SRL: variants seen among roughly 807,000 people sequenced by gnomAD.
SRL encodes the protein sarcalumenin.
A neutral mutation model predicts 39.5 loss-of-function variants in SRL; 23 were observed. That is an observed-to-expected ratio of 0.58 (90% confidence interval 0.42 to 0.82). The LOEUF (loss-of-function observed/expected upper bound fraction) is 0.82, where lower values mean the gene tolerates loss of function less well. Ranked by LOEUF, SRL falls within the 40% of genes least tolerant of loss-of-function variation. The pLI, the probability that SRL is intolerant of heterozygous loss-of-function variation, is 0.00. For synonymous variants in SRL, 272 were observed against 237.4 expected (o/e 1.15, Z -1.34); for missense variants, 592 against 607.8 (o/e 0.97, Z 0.27).
intron 1 of SRL, among the ~76,000 whole-genome samples, chr16:4,210,327 A>G (rs2052376977): frequency 6.6e-6 from 1 of 152,184 alleles, no homozygotes; most frequent in African/African-American, 2.4e-5. Context: ...TCCTCTGAAC[A>G]GCAGGATACG....
chr16:4,233,035 G>C (rs1422292994), intron 1 of SRL, among the ~76,000 whole-genome samples: 1 of 152,252 alleles, frequency 6.6e-6, no homozygotes, highest in African/African-American at 2.4e-5. Context: ...TCAGAGTACA[G>C]TCCCTGCTCT....
intron 1 of SRL, among the ~76,000 whole-genome samples, chr16:4,229,237 A>T (rs2052632272): frequency 6.6e-6 from 1 of 152,046 alleles, no homozygotes; most frequent in Non-Finnish European, 1.5e-5. Flanking sequence ...AGGACAGGAG[A>T]TCGAGACCAT....
chr16:4,190,822 T>C lies in SRL; in HGVS notation c.*1331A>G, dbSNP rs377607443. On this transcript the variant is annotated 3_prime_UTR_variant, in exon 6 of 6. Coordinates refer to ENST00000399609, the MANE Select transcript of SRL (RefSeq NM_001098814.2). ...GGAAATTGCTCCAAGTAAGTGTTGA[T>C]GCATCAGGGAATGGAGAAGAAAGGA... The C allele has an allele frequency of 6.8e-4, 145 of 212,314 alleles. 2 individuals are homozygous for C. Among genetic ancestry groups the C allele is most frequent in the South Asian group, 3.0e-3 (16 of 5,354 alleles). The allele number at this position is 212,314 out of a possible 1,614,324, so 13.2% of individuals were successfully genotyped here.
intron 3 of SRL, among the ~76,000 whole-genome samples, chr16:4,198,665 C>G (rs759758988): frequency 2.6e-5 from 4 of 152,084 alleles, no homozygotes; most frequent in Non-Finnish European, 4.4e-5. Context: ...TCAGGCTGGT[C>G]TCAAACTTCT....
chr16:4,202,103 G>C (rs1312289551), intron 3 of SRL, among the ~76,000 whole-genome samples: 1 of 152,236 alleles, frequency 6.6e-6, no homozygotes, highest in African/African-American at 2.4e-5. Flanking sequence ...GTTTTCCAGA[G>C]CATGGCGTGG....
At chr16:4,210,496 T>C (rs1230855602) in intron 1 of SRL, among the ~76,000 whole-genome samples, 9 of 146,776 alleles carry the variant, frequency 6.1e-5, no homozygotes, top group Admixed American at 4.7e-4. Context: ...CTTTTTTTTT[T>C]TTTTTTTTTT....
chr16:4,214,798 C>T (rs2052436426), intron 1 of SRL, among the ~76,000 whole-genome samples: 1 of 150,642 alleles, frequency 6.6e-6, no homozygotes, highest in Non-Finnish European at 1.5e-5. Flanking sequence ...GACGAAGTCT[C>T]ATTCTGTCGC....
At chr16:4,193,065 C>G in intron 5 of SRL, 101 bp from the exon 6 acceptor site, 1 of 1,026,544 alleles carries the variant, frequency 9.7e-7, no homozygotes, top group South Asian at 1.6e-5. Context: ...AAAGAAGGAA[C>G]AGCGCTACGG....
chr16:4,214,204 G>C (rs1371009484), intron 1 of SRL, among the ~76,000 whole-genome samples: 1 of 152,204 alleles, frequency 6.6e-6, no homozygotes, highest in African/African-American at 2.4e-5. Flanking sequence ...GGTGTTGAAT[G>C]TATTCAGTGC....
At chr16:4,207,160 C>A (rs1014215754) in intron 1 of SRL, 1 of 456,868 alleles carries the variant, frequency 2.2e-6, no homozygotes, top group Non-Finnish European at 4.4e-6. Context: ...GCCCCATCGC[C>A]GCTGTCCTCT....
At chr16:4,210,368 C>T (rs1368015831) in intron 1 of SRL, among the ~76,000 whole-genome samples, 2 of 151,758 alleles carry the variant, frequency 1.3e-5, no homozygotes, top group Admixed American at 6.6e-5. Flanking sequence ...TCTGTATGTA[C>T]ATATCTGAGA....
intron 1 of SRL, among the ~76,000 whole-genome samples, chr16:4,211,296 T>G (rs752786715): frequency 5.9e-5 from 9 of 151,598 alleles, no homozygotes; most frequent in Non-Finnish European, 1.2e-4. Flanking sequence ...AGGATCCCCA[T>G]TGTGGGCTCC....
intron 1 of SRL, among the ~76,000 whole-genome samples, chr16:4,211,330 G>T (rs1385414097): frequency 6.6e-6 from 1 of 152,224 alleles, no homozygotes; most frequent in Non-Finnish European, 1.5e-5. Context: ...GTCTCCTAGG[G>T]CCTGGCATTT....
chr16:4,207,739 C>T (rs1408282754), intron 1 of SRL: 4 of 420,250 alleles, frequency 9.5e-6, no homozygotes, highest in Non-Finnish European at 9.4e-6. Flanking sequence ...GGCCACTCCT[C>T]TTCCACAGGC....
Position 4,192,062 on chromosome 16 carries a change from G to T in SRL, c.*91C>A. The T allele has an allele frequency of 4.4e-6, 6 of 1,356,062 alleles. No homozygotes were observed. The highest frequency in any genetic ancestry group is 2.0e-6 in the Non-Finnish European group (2 of 989,922). The allele number at this position is 1,356,062 out of a possible 1,614,324, so 84.0% of individuals were successfully genotyped here. The stretch of plus-strand genomic sequence containing the variant: ...CTCCACTGTGTAATAATTCCTGCCA[G>T]TGTGGCTCAAAGGGTTAATAAACCA... On this transcript the variant is annotated 3_prime_UTR_variant, in exon 6 of 6. Transcript: ENST00000399609. The surrounding 1 kb of genome is among the most constrained non-coding windows in gnomAD (Gnocchi z 4.0).
chr16:4,212,197 A>G (rs1195510958), intron 1 of SRL, among the ~76,000 whole-genome samples: 2 of 152,130 alleles, frequency 1.3e-5, no homozygotes, highest in African/African-American at 4.8e-5. Context: ...CTTCCCCTGA[A>G]CTTCTGCTAA....
intron 1 of SRL, among the ~76,000 whole-genome samples, chr16:4,219,527 C>A (rs1487787828): frequency 1.3e-5 from 2 of 152,188 alleles, no homozygotes; most frequent in Non-Finnish European, 2.9e-5. Flanking sequence ...GATATCGGCT[C>A]ACTGCAACGT....
chr16:4,223,947 G>C (rs1469830364), intron 1 of SRL, among the ~76,000 whole-genome samples: 1 of 152,136 alleles, frequency 6.6e-6, no homozygotes, highest in African/African-American at 2.4e-5. Flanking sequence ...GCCCATCATG[G>C]GTGGGGGCAT....
chr16:4,194,252 C>A (rs1448483392), intron 5 of SRL, among the ~76,000 whole-genome samples: 1 of 152,164 alleles, frequency 6.6e-6, no homozygotes, highest in East Asian at 1.9e-4. Flanking sequence ...CATGGCCATC[C>A]CTCTCTGGAA....
Sources: gnomAD v4.1 joint callset for allele counts (sites outside exome capture counted in the v4.1 genomes callset) on GRCh38, gnomAD v4.1.1 for gene constraint, Gnocchi (gnomAD v3.1) non-coding constraint, MANE v1.5 for transcripts, NCBI Gene and HGNC (gene_info 2026-07-23, HGNC 2026-07-21) for gene names.